Variants in USH2A observed in about 807,000 individuals in gnomAD.
USH2A encodes usherin.
A neutral mutation model predicts 538.9 loss-of-function variants in USH2A; 443 were observed. That is an observed-to-expected ratio of 0.82 (90% CI 0.76 to 0.89). The LOEUF (loss-of-function observed/expected upper bound fraction) is 0.89. USH2A is among the 40% of genes least tolerant of loss of function. The pLI is 0.00. For synonymous variants in USH2A, 2,413 were observed against 2,273.5 expected (o/e 1.06, Z -1.75); for missense variants, 6,633 against 6,324.8 (o/e 1.05, Z -1.65).
intron 50 of USH2A, among the ~76,000 whole-genome samples, chr1:215,796,867 C>T (rs1164480220): frequency 1.6e-5 from 1 of 61,262 alleles, no homozygotes; most frequent in African/African-American, 4.8e-5. Flanking sequence ...CCTCTTCCTC[C>T]CACACCTTCA....
At chr1:215,995,818 G>T (rs935988183) in intron 34 of USH2A, among the ~76,000 whole-genome samples, 4 of 152,028 alleles carry the variant, frequency 2.6e-5, no homozygotes, top group African/African-American at 9.7e-5. Flanking sequence ...CCAAATAAGG[G>T]ATTCAATTTT....
rs1425385925 is a variant in USH2A at position 216,048,658 on chromosome 1, A to G, written c.6050-11T>C. The G allele has an allele frequency of 6.2e-7, 1 of 1,608,456 alleles. No individual in the cohort carries two copies. Among genetic ancestry groups the G allele is most frequent in the African/African-American group, 1.3e-5 (1 of 74,734 alleles). ...AGCCTGTCAATATGCCTATAATAAAAAGGGACAAAAGAGGGTTGCGTGTTT... is the reference window on the plus strand; with the variant it reads ...AGCCTGTCAATATGCCTATAATAAAGAGGGACAAAAGAGGGTTGCGTGTTT... On this transcript the variant is annotated splice_polypyrimidine_tract_variant and intron_variant, in intron 30 of 71. Transcript: ENST00000307340.
intron 20 of USH2A, among the ~76,000 whole-genome samples, chr1:216,184,259 G>A (rs970802415): frequency 2.6e-5 from 4 of 152,034 alleles, no homozygotes; most frequent in Non-Finnish European, 5.9e-5. Context: ...AAGTGTTCTT[G>A]TCAAAGGTGA....
intron 3 of USH2A, among the ~76,000 whole-genome samples, chr1:216,383,742 AC>A (rs1203468695): frequency 1.3e-5 from 2 of 152,118 alleles, no homozygotes; most frequent in East Asian, 3.8e-4. Context: ...CAGTGGCACG[AC>A]CATGGCTCAC....
chr1:215,699,503 G>A (rs1658935648), intron 61 of USH2A, among the ~76,000 whole-genome samples: 1 of 152,088 alleles, frequency 6.6e-6, no homozygotes, highest in Non-Finnish European at 1.5e-5. Context: ...CTTGTGCAGT[G>A]GTTTGTAGTT....
intron 32 of USH2A, among the ~76,000 whole-genome samples, chr1:216,041,617 G>T (rs1481987943): frequency 6.6e-6 from 1 of 152,044 alleles, no homozygotes; most frequent in Non-Finnish European, 1.5e-5. Flanking sequence ...TAGTAGGGAA[G>T]TTTCTGATAT....
At chr1:215,968,623 T>C (rs969694443) in intron 36 of USH2A, among the ~76,000 whole-genome samples, 10 of 152,076 alleles carry the variant, frequency 6.6e-5, no homozygotes, top group Non-Finnish European at 1.3e-4. Flanking sequence ...ATAGAAAACA[T>C]TGAATAGTAT....
chr1:215,794,534 C>G (rs1662072076), intron 50 of USH2A, among the ~76,000 whole-genome samples: 1 of 152,148 alleles, frequency 6.6e-6, no homozygotes, highest in Admixed American at 6.6e-5. Context: ...TTAGGGGCTA[C>G]AGGAGTGAAC....
In USH2A at chr1:215,773,484, G is replaced by GTCTCTC. The variant is rs756571165; in HGVS notation, c.10939+6353_10939+6358dup. On this transcript the variant is annotated intron_variant, in intron 55 of 71. Transcript: ENST00000307340. ...CTCCCCACTTTACGGATGTCTCTCT[G>GTCTCTC]TCTCTCTGTCTCTCTCTCTCTCTCT... Among the ~76,000 whole-genome samples the GTCTCTC allele has an allele frequency of 2.1e-3, 231 of 112,220 alleles. 1 individual carries two copies. Among genetic ancestry groups the GTCTCTC allele is most frequent in the African/African-American group, 9.1e-3 (204 of 22,350 alleles). The allele number at this position is 112,220 out of a possible 152,430, so 73.6% of individuals were successfully genotyped here. A position where few individuals can be genotyped will look rare whatever the true frequency, so the allele number is the denominator to read the frequency against.
At chr1:216,064,232 AT>A (rs2031277481) in intron 30 of USH2A, among the ~76,000 whole-genome samples, 1 of 152,190 alleles carries the variant, frequency 6.6e-6, no homozygotes, top group Non-Finnish European at 1.5e-5. Flanking sequence ...CAATCTGCTT[AT>A]TCCACTTTAG....
intron 12 of USH2A, among the ~76,000 whole-genome samples, chr1:216,250,446 A>G (rs1466941111): frequency 1.3e-5 from 2 of 149,178 alleles, no homozygotes; most frequent in Non-Finnish European, 2.9e-5. Flanking sequence ...AATATAACAG[A>G]AAAAAATGGA....
At chr1:215,899,176 G>A (rs1477708281) in intron 40 of USH2A, among the ~76,000 whole-genome samples, 1 of 152,098 alleles carries the variant, frequency 6.6e-6, no homozygotes, top group Admixed American at 6.6e-5. Context: ...AATTGATATT[G>A]TTGCAAATAC....
At chr1:216,144,449 A>C (rs17026174) in intron 21 of USH2A, among the ~76,000 whole-genome samples, 8,786 of 152,174 alleles carry the variant, frequency 0.058, 338 homozygotes, top group East Asian at 0.17. Flanking sequence ...AGCTTTGTGA[A>C]TATCATTGGC....
At chr1:216,033,792 C>T (rs145404972) in intron 32 of USH2A, among the ~76,000 whole-genome samples, 8 of 152,058 alleles carry the variant, frequency 5.3e-5, no homozygotes, top group African/African-American at 9.7e-5. Context: ...GCTGTGAATG[C>T]GCCACTGCAC....
rs142255113 is a variant in USH2A at position 216,285,040 on chromosome 1, G to A, written c.1971+4240C>T. Among the ~76,000 whole-genome samples, 753 of 152,304 alleles carry A rather than the reference G, an allele frequency of 4.9e-3. 6 individuals carry two copies. Among genetic ancestry groups the A allele is most frequent in the African/African-American group, 0.018 (734 of 41,558 alleles). ...GCATAAAAGTTTGAAAAATTTGCAG[G>A]CTGACAATGCAGTAGAAAAGCAAAA... is the stretch of plus-strand genomic sequence containing the variant. On this transcript the variant is annotated intron_variant, in intron 11 of 71. Coordinates refer to ENST00000307340, the MANE Select transcript of USH2A (RefSeq NM_206933.4).
intron 61 of USH2A, among the ~76,000 whole-genome samples, chr1:215,690,122 T>C (rs1658553960): frequency 6.6e-6 from 1 of 152,214 alleles, no homozygotes; most frequent in Non-Finnish European, 1.5e-5. Flanking sequence ...GGTTCCAGAT[T>C]GTCCTCATTC....
intron 4 of USH2A, among the ~76,000 whole-genome samples, chr1:216,349,536 G>A (rs544007156): frequency 7.2e-5 from 11 of 152,210 alleles, no homozygotes; most frequent in East Asian, 1.9e-4. Flanking sequence ...TAAAACCCAC[G>A]AAAACCAATA....
intron 4 of USH2A, among the ~76,000 whole-genome samples, chr1:216,361,828 C>T (rs1360962395): frequency 2.0e-5 from 3 of 152,188 alleles, no homozygotes; most frequent in Non-Finnish European, 4.4e-5. Flanking sequence ...TAACTGCATA[C>T]ACTATGGAAA....
intron 21 of USH2A, among the ~76,000 whole-genome samples, chr1:216,133,981 G>A (rs1035334551): frequency 2.0e-5 from 3 of 151,910 alleles, no homozygotes; most frequent in Non-Finnish European, 4.4e-5. Context: ...ATAATGAATC[G>A]GATGATTGGA....
Sources: gnomAD v4.1 joint callset for allele counts (sites outside exome capture counted in the v4.1 genomes callset) on GRCh38, gnomAD v4.1.1 for gene constraint, MANE v1.5 for transcripts, NCBI Gene and HGNC (gene_info 2026-07-23, HGNC 2026-07-21) for gene names.